The following CISD1 variants were observed in gnomAD, a reference collection of about 807,000 sequenced individuals.
CISD1 encodes CDGSH iron-sulfur domain-containing protein 1.
CISD1 carries 8 observed loss-of-function variants against 12.0 expected under a neutral mutation model. The ratio of observed to expected loss-of-function variants is 0.67; its 90% confidence interval spans 0.39 to 1.20. The LOEUF (loss-of-function observed/expected upper bound fraction) is 1.20. Ranked by LOEUF, CISD1 falls within the 50% of genes most tolerant of loss-of-function variation. CISD1 has a pLI of 0.01. For synonymous variants in CISD1, 38 were observed against 42.2 expected (o/e 0.90, Z 0.39); for missense variants, 107 against 132.7 (o/e 0.81, Z 0.95).
At chr10:58,273,401 C>A (rs1839271236) in intron 1 of CISD1, 1 of 152,146 alleles carries the variant, frequency 6.6e-6, no homozygotes, top group South Asian at 2.1e-4. Flanking sequence ...TCCCCCTCTC[C>A]TCATAGAAGA....
intron 2 of CISD1, among the ~76,000 whole-genome samples, chr10:58,278,054 C>T (rs1310311343): frequency 6.6e-6 from 1 of 152,122 alleles, no homozygotes; most frequent in African/African-American, 2.4e-5. Flanking sequence ...TGTATTTTAT[C>T]AAGTCCCTTT....
rs1201500238 is a variant in CISD1 at position 58,289,572 on chromosome 10, G to T, written c.*1922G>T. The T allele has an allele frequency of 1.3e-5, 2 of 151,978 alleles. No individual in the cohort carries two copies. The highest frequency in any genetic ancestry group is 2.9e-5 in the Non-Finnish European group (2 of 67,906). The allele number at this position is 151,978 out of a possible 1,614,324, so 9.4% of individuals were successfully genotyped here. On this transcript the variant is annotated 3_prime_UTR_variant, in exon 3 of 3. Coordinates refer to ENST00000333926, the MANE Select transcript of CISD1 (RefSeq NM_018464.5). ...GATTAAAACCCTTTTCAGGTTATTT[G>T]ACCTAAAAACCAAAGTGAGTGTGGT...
At chr10:58,285,804 A>G (rs1839422120) in intron 2 of CISD1, among the ~76,000 whole-genome samples, 1 of 152,194 alleles carries the variant, frequency 6.6e-6, no homozygotes, top group East Asian at 1.9e-4. Context: ...GACAGAAATA[A>G]TCTTACCAGA....
chr10:58,269,298 G>A lies in CISD1; in HGVS notation c.25G>A (p.Val9Ile). The change falls in exon 1 of 3, where the codon GTA becomes ATA. Residue 9 changes from valine (V) to isoleucine (I), a missense_variant. Coordinates refer to ENST00000333926, the MANE Select transcript of CISD1 (RefSeq NM_018464.5). MSLTSSSS[V>I]RVEWIAAVTI... ...CATGAGTCTGACTTCCAGTTCCAGC[G>A]TACGAGGTGAAGTGGGGCCTGGGAG... 1 of 1,608,948 alleles carries A rather than the reference G, an allele frequency of 6.2e-7. No homozygotes were observed. The highest frequency in any genetic ancestry group is 8.5e-7 in the Non-Finnish European group (1 of 1,179,578).
intron 2 of CISD1, among the ~76,000 whole-genome samples, chr10:58,285,327 AGTAG>A (rs1255915971): frequency 2.6e-5 from 4 of 152,336 alleles, no homozygotes; most frequent in African/African-American, 9.6e-5. Context: ...TTTAACATTA[AGTAG>A]CCTTTTGGAT....
chr10:58,279,542 A>G (rs1327078753), intron 2 of CISD1, among the ~76,000 whole-genome samples: 1 of 152,200 alleles, frequency 6.6e-6, no homozygotes, highest in Non-Finnish European at 1.5e-5. Flanking sequence ...ACTATATTGA[A>G]TATAAACCAG....
chr10:58,274,771 T>C (rs2132278321), intron 1 of CISD1, among the ~76,000 whole-genome samples: 1 of 152,160 alleles, frequency 6.6e-6, no homozygotes, highest in East Asian at 1.9e-4. Flanking sequence ...TGTCAGTTAT[T>C]CTGTCCTGTC....
rs566980653 is a variant in CISD1, at chr10:58,278,858, G to A, written c.237+1536G>A. Among the ~76,000 whole-genome samples the A allele has an allele frequency of 5.9e-5, 9 of 152,258 alleles. No individual in the cohort carries two copies. The South Asian group carries it at 1.0e-3, about 18-fold the overall frequency. On this transcript the variant is annotated intron_variant, in intron 2 of 2. Transcript: ENST00000333926. ...CACCGGTTGAAGTCAAAACACAGAC[G>A]CAGAGGACACAGTTAAGTCAGTGAC... is the stretch of plus-strand genomic sequence containing the variant.
chr10:58,284,460 A>C (rs542004158), intron 2 of CISD1, among the ~76,000 whole-genome samples: 1 of 152,348 alleles, frequency 6.6e-6, no homozygotes, highest in South Asian at 2.1e-4. Context: ...TCTGCACAAA[A>C]TTATTTTTAA....
chr10:58,281,916 G>A (rs1361929980), intron 2 of CISD1, among the ~76,000 whole-genome samples: 1 of 150,902 alleles, frequency 6.6e-6, no homozygotes, highest in East Asian at 1.9e-4. Context: ...TGCTTCTCTT[G>A]CCAGCATTGG....
At chr10:58,270,375 T>C (rs1839231571) in intron 1 of CISD1, among the ~76,000 whole-genome samples, 1 of 152,240 alleles carries the variant, frequency 6.6e-6, no homozygotes. Context: ...TAAAGGATAC[T>C]CATCTTGAGA....
intron 2 of CISD1, among the ~76,000 whole-genome samples, chr10:58,282,267 A>G (rs1277274344): frequency 7.9e-5 from 12 of 152,020 alleles, no homozygotes; most frequent in African/African-American, 2.9e-4. Context: ...CGGCCCAGAA[A>G]TTGGTTTATT....
chr10:58,275,814 G>A (rs907694634), intron 1 of CISD1, among the ~76,000 whole-genome samples: 1 of 152,108 alleles, frequency 6.6e-6, no homozygotes, highest in Admixed American at 6.6e-5. Flanking sequence ...AGAAGACCAA[G>A]ATACAAGAGA....
chr10:58,282,152 G>C (rs1839380432), intron 2 of CISD1, among the ~76,000 whole-genome samples: 1 of 152,112 alleles, frequency 6.6e-6, no homozygotes, highest in African/African-American at 2.4e-5. Context: ...AGTAGAGACA[G>C]GGTTTCACCA....
In CISD1 at chr10:58,289,340, AT is replaced by A. The variant is rs1839464214; in HGVS notation, c.*1695del. On this transcript the variant is annotated 3_prime_UTR_variant, in exon 3 of 3. Transcript: ENST00000333926. ...TTTGAAATTATATTGTTAGTCATGC[AT>A]TTTTGTAATGTCAGGGGGAACCTGG... is the stretch of plus-strand genomic sequence containing the variant. 6.6e-6 allele frequency: 1 copy of A among 152,138 alleles called. No individual in the cohort carries two copies. The highest frequency in any genetic ancestry group is 1.5e-5 in the Non-Finnish European group (1 of 67,942). 9.4% of individuals were successfully genotyped at this position (152,138 alleles called of 1,614,324 possible).
In CISD1 at chr10:58,287,686, G is replaced by A. The variant is rs1399980537; in HGVS notation, c.*36G>A. 1.5e-6 allele frequency: 2 copies of A among 1,364,696 alleles called. No individual in the cohort carries two copies. The highest frequency in any genetic ancestry group is 2.1e-6 in the Non-Finnish European group (2 of 972,754). 84.5% of individuals were successfully genotyped at this position (1,364,696 alleles called of 1,614,324 possible). ...TTGATGCTGCAAATCAGCTTGTCGT[G>A]AAGTTACCTGATTGTTTAATTAGAA... On this transcript the variant is annotated 3_prime_UTR_variant, in exon 3 of 3. Transcript: ENST00000333926.
At chr10:58,278,143 G>A (rs1305821039) in intron 2 of CISD1, among the ~76,000 whole-genome samples, 5 of 152,114 alleles carry the variant, frequency 3.3e-5, no homozygotes, top group Non-Finnish European at 5.9e-5. Context: ...ATACTGTCTC[G>A]AGCATCTCAA....
intron 1 of CISD1, chr10:58,273,258 T>C (rs1839269539): frequency 1.3e-5 from 2 of 152,156 alleles, no homozygotes; most frequent in South Asian, 4.1e-4. Flanking sequence ...AGTCATCCAT[T>C]ATTTCTTTTG....
chr10:58,273,088 T>TTTTG (rs887043789), intron 1 of CISD1, among the ~76,000 whole-genome samples: 9 of 152,062 alleles, frequency 5.9e-5, no homozygotes, highest in East Asian at 3.9e-4. Flanking sequence ...ACCTGAAGTT[T>TTTTG]TTTGTTTGTT....
Sources: allele counts gnomAD v4.1 joint callset (sites outside exome capture counted in the v4.1 genomes callset), GRCh38; gene constraint gnomAD v4.1.1; transcripts MANE v1.5; gene names NCBI Gene and HGNC (gene_info 2026-07-23, HGNC 2026-07-21).